KY: variants seen among roughly 807,000 people sequenced by gnomAD.
KY encodes kyphoscoliosis peptidase.
Under a neutral mutation model 76.1 loss-of-function variants are expected in KY, and 43 were observed. The observed-to-expected ratio is 0.57, with a 90% CI of 0.44 to 0.73. KY has a LOEUF of 0.73. Among genes scored for constraint, KY ranks in the 30% least tolerant of loss-of-function variants. The probability of loss-of-function intolerance (pLI) is 0.00; values close to 1 mark genes in which losing one functional copy is unlikely to be tolerated. For synonymous variants in KY, 277 were observed against 326.2 expected, an observed-to-expected ratio of 0.85 and a Z score of 1.63; for missense variants, 722 against 828.9, an observed-to-expected ratio of 0.87 and a Z score of 1.58.
intron 8 of KY, among the ~76,000 whole-genome samples, chr3:134,612,101 G>A (rs1206454763): frequency 6.6e-6 from 1 of 152,170 alleles, no homozygotes; most frequent in African/African-American, 2.4e-5. Flanking sequence ...CGGGCCACTA[G>A]TGCTGAGGTT....
At position 134,603,647 on chromosome 3, in the gene KY, T is replaced by C; in HGVS notation, c.1918A>G (p.Met640Val). 1.2e-6 allele frequency: 2 copies of C among 1,612,964 alleles called. No individual in the cohort carries two copies. Among genetic ancestry groups the C allele is most frequent in the Non-Finnish European group, 1.7e-6 (2 of 1,179,322 alleles). The change falls in exon 11 of 11, where the codon ATG becomes GTG. Residue 640 changes from methionine (M) to valine (V), a missense_variant. Met to Val is a conservative substitution (Grantham distance 21). Transcript: ENST00000423778. Reference protein sequence around the residue: ...STAGCQEVYVMVLENANHNFY... With the variant: ...STAGCQEVYVVVLENANHNFY... ...TTGTGGTTGGCATTCTCCAGCACCATGACATAGACTTCCTGGCAGCCAGCT... is the reference window on the plus strand; with the variant it reads ...TTGTGGTTGGCATTCTCCAGCACCACGACATAGACTTCCTGGCAGCCAGCT...
At position 134,601,095 on chromosome 3, in the gene KY, C is replaced by T. The variant is rs1352191398; in HGVS notation, c.*2484G>A. 1 of 152,210 alleles carries T rather than the reference C, an allele frequency of 6.6e-6. No individual in the cohort carries two copies. The highest frequency in any genetic ancestry group is 1.5e-5 in the Non-Finnish European group (1 of 68,044). 9.4% of individuals were successfully genotyped at this position (152,210 alleles called of 1,614,324 possible). A position where few individuals can be genotyped will look rare whatever the true frequency, so the allele number is the denominator to read the frequency against. Reference sequence around the variant, plus strand: ...CAAAGATGGGGATTTAAAGAAAAGCCTTCAAAATGCAACTCCGAATGTCTA... The same window carrying T: ...CAAAGATGGGGATTTAAAGAAAAGCTTTCAAAATGCAACTCCGAATGTCTA... On this transcript the variant is annotated 3_prime_UTR_variant, in exon 11 of 11. Transcript: ENST00000423778.
chr3:134,650,661 G>A (rs1966860911), intron 1 of KY, among the ~76,000 whole-genome samples, 164 bp downstream of exon 1: 1 of 152,190 alleles, frequency 6.6e-6, no homozygotes, highest in African/African-American at 2.4e-5. Context: ...CGTTGCCACG[G>A]GACGCCGGTG....
At chr3:134,614,337 T>A (rs2107796797) in intron 8 of KY, among the ~76,000 whole-genome samples, 1 of 152,274 alleles carries the variant, frequency 6.6e-6, no homozygotes, top group Non-Finnish European at 1.5e-5. Context: ...CTTTACAGAA[T>A]TGACAACCTC....
intron 1 of KY, among the ~76,000 whole-genome samples, chr3:134,649,344 C>G (rs1181910477): frequency 6.6e-6 from 1 of 152,146 alleles, no homozygotes; most frequent in Non-Finnish European, 1.5e-5. Flanking sequence ...TCCTGGGCTT[C>G]TCTGCATTCT....
chr3:134,650,966 C>A lies in KY; in HGVS notation c.-6G>T, dbSNP rs1966883614. 2.5e-6 allele frequency: 4 copies of A among 1,613,026 alleles called. No individual in the cohort carries two copies. Among genetic ancestry groups the A allele is most frequent in the Non-Finnish European group, 3.4e-6 (4 of 1,179,396 alleles). ...ATGTCCTTCTTCAGCTCCATGATGCCGCCTCCTTTCCGACCTGGGCGCCGC... is the reference window on the plus strand; with the variant it reads ...ATGTCCTTCTTCAGCTCCATGATGCAGCCTCCTTTCCGACCTGGGCGCCGC... On this transcript the variant is annotated 5_prime_UTR_variant, in exon 1 of 11. Coordinates refer to ENST00000423778, the MANE Select transcript of KY (RefSeq NM_178554.6).
Position 134,650,820 on chromosome 3 carries a change from GT to G in KY, c.136+4del. 1 of 1,579,712 alleles carries G rather than the reference GT, an allele frequency of 6.3e-7. No individual in the cohort carries two copies. Among genetic ancestry groups the G allele is most frequent in the Non-Finnish European group, 8.6e-7 (1 of 1,161,020 alleles). On this transcript the variant is annotated splice_donor_region_variant and intron_variant, in intron 1 of 10. Transcript: ENST00000423778. Reference sequence around the variant, plus strand: ...ACCCGGGGACCCGGGTCGGGCGCGCGTTACCTCCTCCGCGCTGCAGCAGCGA... The same window carrying G: ...ACCCGGGGACCCGGGTCGGGCGCGCGTACCTCCTCCGCGCTGCAGCAGCGA...
chr3:134,627,382 C>T (rs1423504116), intron 5 of KY, among the ~76,000 whole-genome samples: 2 of 152,214 alleles, frequency 1.3e-5, no homozygotes, highest in African/African-American at 4.8e-5. Flanking sequence ...TATCATCCCT[C>T]TCAGTGTTTC....
Position 134,603,466 on chromosome 3 carries a change from G to C in KY, c.*113C>G. 1 of 941,724 alleles carries C rather than the reference G, an allele frequency of 1.1e-6. No homozygotes were observed. Among genetic ancestry groups the C allele is most frequent in the South Asian group, 1.7e-5 (1 of 60,492 alleles). 58.3% of individuals were successfully genotyped at this position (941,724 alleles called of 1,614,324 possible). A position where few individuals can be genotyped will look rare whatever the true frequency, so the allele number is the denominator to read the frequency against. ...GGTGGGACACTGAGGCAGAGGCCTA[G>C]AAGGGATTTCATGCAGACTCAGTGG... On this transcript the variant is annotated 3_prime_UTR_variant, in exon 11 of 11. Coordinates refer to ENST00000423778, the MANE Select transcript of KY (RefSeq NM_178554.6).
intron 2 of KY, among the ~76,000 whole-genome samples, chr3:134,643,784 G>T (rs562505220): frequency 6.6e-6 from 1 of 151,742 alleles, no homozygotes; most frequent in Admixed American, 6.6e-5. Context: ...TCTGACCTGG[G>T]ACTTGAACCT....
chr3:134,627,783 G>C lies in KY; in HGVS notation c.373C>G (p.Arg125Gly). 1 of 1,613,830 alleles carries C rather than the reference G, an allele frequency of 6.2e-7. No homozygotes were observed. Among genetic ancestry groups the C allele is most frequent in the African/African-American group, 1.3e-5 (1 of 75,040 alleles). The change falls in exon 5 of 11, where the codon CGG (arginine) becomes GGG (glycine). Residue 125 changes from arginine to glycine, a missense_variant. Arg to Gly is a moderately radical substitution (Grantham distance 125, BLOSUM62 -2). Around this residue, in one of 2 missense-constraint regions of KY, gnomAD observed 552 missense variants for 680.9 expected, o/e 0.81. Transcript: ENST00000423778. Reference protein sequence around the residue: ...QGDKNGNTRPRQPGGKDAHAY... With the variant: ...QGDKNGNTRPGQPGGKDAHAY... The stretch of plus-strand genomic sequence containing the variant: ...TGGGCATCTTTCCCTCCAGGTTGCC[G>C]GGGTCTTGTGTTTCCATTTTTATCA...
chr3:134,634,200 A>T lies in KY; in HGVS notation c.263-4505T>A, dbSNP rs564319467. Among the ~76,000 whole-genome samples the T allele has an allele frequency of 3.3e-5, 5 of 152,368 alleles. No homozygotes were observed. In the East Asian group the frequency reaches 9.6e-4, roughly 29 times the overall value. The stretch of plus-strand genomic sequence containing the variant: ...GGCAATTCTCTCAAAATTGATCTAC[A>T]GATTTAATGCAAGTTCAACCAAACA... On this transcript the variant is annotated intron_variant, in intron 3 of 10. Transcript: ENST00000423778.
Position 134,621,219 on chromosome 3 carries a change from C to T in KY, c.484-362G>A, listed in dbSNP as rs562712593. 2.6e-4 allele frequency among the ~76,000 whole-genome samples: 40 copies of T among 152,256 alleles called. No individual in the cohort carries two copies. The South Asian group carries it at 8.3e-3, about 32-fold the overall frequency. ...GCTTTTTGTGCTGAAATGGAAAAGT[C>T]AGTTCTCAAATTCCTATAAATTCCA... is the stretch of plus-strand genomic sequence containing the variant. On this transcript the variant is annotated intron_variant, in intron 6 of 10. Coordinates refer to ENST00000423778, the MANE Select transcript of KY (RefSeq NM_178554.6).
intron 9 of KY, among the ~76,000 whole-genome samples, chr3:134,609,207 C>T (rs1371871028): frequency 2.6e-5 from 4 of 152,196 alleles, no homozygotes; most frequent in Non-Finnish European, 5.9e-5. Flanking sequence ...TGCTTGAATT[C>T]ACTGCCTCCA....
chr3:134,625,247 T>G, intron 5 of KY, 112 bp from the exon 6 acceptor site: 1 of 804,788 alleles, frequency 1.2e-6, no homozygotes, highest in Non-Finnish European at 2.1e-6. Flanking sequence ...TTAACACAAT[T>G]CTCAAAGCCT....
intron 5 of KY, among the ~76,000 whole-genome samples, chr3:134,625,515 A>G (rs1176070593): frequency 6.6e-6 from 1 of 152,248 alleles, no homozygotes; most frequent in Non-Finnish European, 1.5e-5. Flanking sequence ...TTTCCCAGGA[A>G]TGAATGCTCT....
At chr3:134,641,517 A>C (rs1037007424) in intron 3 of KY, among the ~76,000 whole-genome samples, 1 of 152,186 alleles carries the variant, frequency 6.6e-6, no homozygotes, top group Non-Finnish European at 1.5e-5. Flanking sequence ...CTCTAGCAGC[A>C]GGAAGAGGCA....
At chr3:134,638,946 A>G (rs1416716004) in intron 3 of KY, among the ~76,000 whole-genome samples, 1 of 151,366 alleles carries the variant, frequency 6.6e-6, no homozygotes, top group Non-Finnish European at 1.5e-5. Context: ...ACACGGGTGT[A>G]TATGTGTGTG....
chr3:134,642,378 T>C (rs942686726), intron 3 of KY, among the ~76,000 whole-genome samples: 8 of 152,224 alleles, frequency 5.3e-5, no homozygotes, highest in African/African-American at 1.9e-4. Flanking sequence ...TGAACTCTTA[T>C]GGCTGAGCCT....
Sources: allele counts gnomAD v4.1 joint callset (sites outside exome capture counted in the v4.1 genomes callset), GRCh38; gene constraint gnomAD v4.1.1; regional missense constraint gnomAD v4.1.1; transcripts MANE v1.5; gene names NCBI Gene and HGNC (gene_info 2026-07-23, HGNC 2026-07-21).